TEX264: variants seen among roughly 807,000 people sequenced by gnomAD.
The protein encoded by TEX264 is testis-expressed protein 264.
TEX264 carries 13 observed loss-of-function variants against 23.4 expected under a neutral mutation model. That is an observed-to-expected ratio of 0.56 (90% CI 0.36 to 0.88). The LOEUF (loss-of-function observed/expected upper bound fraction) is 0.88. TEX264 is among the 40% of genes least tolerant of loss of function. The pLI is 0.01. For synonymous variants in TEX264, 159 were observed against 170.0 expected, an observed-to-expected ratio of 0.94 and a Z score of 0.50; for missense variants, 340 against 406.8, an observed-to-expected ratio of 0.84 and a Z score of 1.41.
chr3:51,690,255 C>T (rs1702780245), intron 3 of TEX264, among the ~76,000 whole-genome samples: 1 of 152,166 alleles, frequency 6.6e-6, no homozygotes, highest in Admixed American at 6.5e-5. Context: ...GAGGACGCCA[C>T]GTGTGGTGGC....
intron 1 of TEX264, among the ~76,000 whole-genome samples, chr3:51,673,075 AT>A (rs956297253): frequency 1.6e-4 from 24 of 151,628 alleles, no homozygotes; most frequent in African/African-American, 3.9e-4. Flanking sequence ...TCCAAAGACA[AT>A]TTTTTTTTAG....
At chr3:51,701,204 G>A (rs1250771722) in intron 4 of TEX264, among the ~76,000 whole-genome samples, 4 of 152,146 alleles carry the variant, frequency 2.6e-5, no homozygotes, top group Non-Finnish European at 5.9e-5. Flanking sequence ...GGGGATTTAG[G>A]TAGGGCCCTG....
intron 3 of TEX264, among the ~76,000 whole-genome samples, chr3:51,692,635 A>G (rs537807831): frequency 1.3e-5 from 2 of 152,302 alleles, no homozygotes. Context: ...CTGCTGGATA[A>G]TCATCAGCAA....
rs1703370702 is a variant in TEX264, at chr3:51,703,043, A to C, written c.650-681A>C. 6.6e-6 allele frequency among the ~76,000 whole-genome samples: 1 copy of C among 151,908 alleles called. No individual in the cohort carries two copies. Among genetic ancestry groups the C allele is most frequent in the Non-Finnish European group, 1.5e-5 (1 of 67,946 alleles). ...AGGGTCGACCCAGGCATAGGGAGAG[A>C]AAACCCTTAACATGTTTCATCCCAG... On this transcript the variant is annotated intron_variant, in intron 4 of 4. Transcript: ENST00000341333. The surrounding 1 kb of genome is among the most constrained non-coding windows in gnomAD (Gnocchi z 4.8).
chr3:51,679,892 C>T (rs1474116003), intron 2 of TEX264, among the ~76,000 whole-genome samples: 3 of 152,186 alleles, frequency 2.0e-5, no homozygotes, highest in Admixed American at 6.5e-5. Flanking sequence ...CGTGTCCTGA[C>T]TGGTGCCTGT....
chr3:51,684,712 G>T, intron 3 of TEX264, 78 bp downstream of exon 3: 1 of 1,458,522 alleles, frequency 6.9e-7, no homozygotes, highest in South Asian at 1.2e-5. Flanking sequence ...TGCCTAGAAT[G>T]GGAGGAAGAA....
At chr3:51,677,144 A>T (rs1702258561) in intron 2 of TEX264, among the ~76,000 whole-genome samples, 1 of 152,186 alleles carries the variant, frequency 6.6e-6, no homozygotes, top group Admixed American at 6.5e-5. Context: ...ACTCCATATT[A>T]TGGAGGGAGA....
chr3:51,672,984 G>A (rs537881902), intron 1 of TEX264, among the ~76,000 whole-genome samples: 1 of 152,210 alleles, frequency 6.6e-6, no homozygotes, highest in South Asian at 2.1e-4. Flanking sequence ...GAGACTAGTG[G>A]GCAACACCTC....
chr3:51,687,580 G>A (rs963215698), intron 3 of TEX264, among the ~76,000 whole-genome samples: 2 of 152,172 alleles, frequency 1.3e-5, no homozygotes, highest in Non-Finnish European at 2.9e-5. Flanking sequence ...TCTGGATCTG[G>A]GACTGCTGTG....
intron 3 of TEX264, among the ~76,000 whole-genome samples, chr3:51,689,859 C>A (rs1354666739): frequency 3.3e-5 from 5 of 152,190 alleles, no homozygotes; most frequent in African/African-American, 1.2e-4. Flanking sequence ...AAGAGAGGCA[C>A]TTGTCTTGAG....
At chr3:51,682,117 T>C (rs1702448252) in intron 2 of TEX264, 1 of 152,230 alleles carries the variant, frequency 6.6e-6, no homozygotes, top group Admixed American at 6.5e-5. Context: ...CTTATGTAGA[T>C]GTTTCTTTTG....
intron 4 of TEX264, among the ~76,000 whole-genome samples, chr3:51,701,119 C>G (rs1703285354): frequency 6.6e-6 from 1 of 152,192 alleles, no homozygotes; most frequent in African/African-American, 2.4e-5. Context: ...TCGTCTTGCA[C>G]TGGCTGTGGG....
At position 51,703,883 on chromosome 3, in the gene TEX264, GCTC is replaced by G; in HGVS notation, c.813_815del (p.Ser272del). 2 of 1,612,200 alleles carry G rather than the reference GCTC, an allele frequency of 1.2e-6. No individual in the cohort carries two copies. The highest frequency in any genetic ancestry group is 2.7e-5 in the African/African-American group (2 of 75,028). On this transcript the variant is annotated inframe_deletion, in exon 5 of 5. Transcript: ENST00000341333. This position sits in a 1 kb window ranked among gnomAD's most constrained non-coding sequence, Gnocchi z 4.8. ...AGCTACAGCGAGTCAGGTGCCAGCG[GCTC>G]CTCTTTTGAGGAGCTGGACTTGGAG...
intron 4 of TEX264, among the ~76,000 whole-genome samples, chr3:51,701,469 C>T (rs781416202): frequency 2.6e-5 from 4 of 151,896 alleles, no homozygotes; most frequent in Non-Finnish European, 5.9e-5. Flanking sequence ...TGACAAGAGG[C>T]GTGTACCACC....
In TEX264 at chr3:51,684,593, G is replaced by A. The variant is rs752292198; in HGVS notation, c.439G>A (p.Ala147Thr). 2 of 1,614,184 alleles carry A rather than the reference G, an allele frequency of 1.2e-6. No homozygotes were observed. Among genetic ancestry groups the A allele is most frequent in the South Asian group, 1.1e-5 (1 of 91,090 alleles). Residue 147 changes from alanine to threonine, a missense_variant, in exon 3 of 5, where the codon GCT (alanine) becomes ACT (threonine). Ala to Thr is a moderately conservative substitution (Grantham distance 58). Transcript: ENST00000341333. ...PYTTILSIWL[A>T]TRRVHPALDT... ...CACCACCATTCTGTCCATCTGGCTG[G>A]CTACCCGCCGTGTCCATCCTGCCTT...
At chr3:51,675,272 T>G (rs1702190977) in intron 2 of TEX264, among the ~76,000 whole-genome samples, 1 of 152,240 alleles carries the variant, frequency 6.6e-6, no homozygotes, top group South Asian at 2.1e-4. Context: ...AGCTTGCTAA[T>G]GTAACCTACT....
intron 3 of TEX264, among the ~76,000 whole-genome samples, chr3:51,685,767 C>T (rs1702601184): frequency 6.6e-6 from 1 of 152,182 alleles, no homozygotes; most frequent in African/African-American, 2.4e-5. Context: ...AGGCCTGGGG[C>T]TAAGGAATTA....
intron 2 of TEX264, among the ~76,000 whole-genome samples, chr3:51,676,825 C>T (rs916510606): frequency 1.3e-5 from 2 of 152,150 alleles, no homozygotes; most frequent in African/African-American, 4.8e-5. Context: ...AAACCTAGAC[C>T]CTTGGCCTGG....
At chr3:51,690,890 G>A (rs560245988) in intron 3 of TEX264, among the ~76,000 whole-genome samples, 1 of 152,314 alleles carries the variant, frequency 6.6e-6, no homozygotes, top group East Asian at 1.9e-4. Context: ...GGGATGGAGC[G>A]GTAGCTGAGT....
Sources: gnomAD v4.1 joint callset for allele counts (sites outside exome capture counted in the v4.1 genomes callset) on GRCh38, gnomAD v4.1.1 for gene constraint, Gnocchi (gnomAD v3.1) non-coding constraint, MANE v1.5 for transcripts, NCBI Gene and HGNC (gene_info 2026-07-23, HGNC 2026-07-21) for gene names.